DCDC1: variants seen among roughly 807,000 people sequenced by gnomAD.
DCDC1 encodes doublecortin domain-containing protein 1.
Under a neutral mutation model 178.3 loss-of-function variants are expected in DCDC1, and 200 were observed. The observed-to-expected ratio is 1.12, with a 90% confidence interval of 1.00 to 1.26. The LOEUF (loss-of-function observed/expected upper bound fraction) is 1.26, where lower values mean the gene tolerates loss of function less well. Among genes scored for constraint, DCDC1 ranks in the 50% most tolerant of loss-of-function variants. The probability of loss-of-function intolerance (pLI) is 0.00; values close to 1 mark genes in which losing one functional copy is unlikely to be tolerated. For synonymous variants in DCDC1, 690 were observed against 604.8 expected (o/e 1.14, Z -2.07); for missense variants, 1,983 against 1,749.2 (o/e 1.13, Z -2.38).
At chr11:31,041,543 TA>T (rs1424341916) in intron 20 of DCDC1, among the ~76,000 whole-genome samples, 2 of 152,194 alleles carry the variant, frequency 1.3e-5, no homozygotes, top group Middle Eastern at 3.2e-3. Context: ...AAAGATTAAG[TA>T]AATAGGCCAA....
intron 20 of DCDC1, among the ~76,000 whole-genome samples, chr11:31,034,662 G>T (rs1281711178): frequency 6.6e-6 from 1 of 152,196 alleles, no homozygotes; most frequent in Non-Finnish European, 1.5e-5. Flanking sequence ...TAGCCTAGGT[G>T]TGTAGTAGGC....
chr11:31,280,934 C>G, intron 7 of DCDC1: 1 of 638,268 alleles, frequency 1.6e-6, no homozygotes, highest in Non-Finnish European at 3.0e-6. Context: ...CACGGTGTGG[C>G]ACTGGGCACA....
At chr11:31,137,594 C>A (rs375751066) in intron 10 of DCDC1, 98 bp downstream of exon 10, 4 of 592,896 alleles carry the variant, frequency 6.7e-6, no homozygotes, top group Non-Finnish European at 1.2e-5. Flanking sequence ...GTGATCTTCC[C>A]GCCTCGGCCT....
chr11:31,300,783 C>T (rs1189959018), intron 6 of DCDC1, among the ~76,000 whole-genome samples: 1 of 152,042 alleles, frequency 6.6e-6, no homozygotes, highest in African/African-American at 2.4e-5. Flanking sequence ...GTTTCATTTT[C>T]GATTTTGTAA....
At chr11:31,331,607 C>T (rs144459601) in intron 2 of DCDC1, among the ~76,000 whole-genome samples, 3,997 of 152,170 alleles carry the variant, frequency 0.026, 62 homozygotes, top group Middle Eastern at 0.065. Context: ...TGAATTTTGT[C>T]GAAGGCCTTT....
intron 9 of DCDC1, among the ~76,000 whole-genome samples, chr11:31,220,314 T>G (rs1974107975): frequency 1.3e-5 from 2 of 152,196 alleles, no homozygotes; most frequent in Admixed American, 1.3e-4. Context: ...CATAATATAT[T>G]CTTGATGAAA....
chr11:31,169,306 C>A (rs763784772), intron 9 of DCDC1, among the ~76,000 whole-genome samples: 5 of 152,108 alleles, frequency 3.3e-5, no homozygotes, highest in Non-Finnish European at 7.4e-5. Context: ...CACATGTATA[C>A]CTATGTAACA....
chr11:31,012,616 A>AG (rs1302929890), intron 20 of DCDC1, among the ~76,000 whole-genome samples: 1 of 151,824 alleles, frequency 6.6e-6, no homozygotes, highest in African/African-American at 2.4e-5. Context: ...ACAAAAAAAA[A>AG]AAAAAGAAAA....
intron 20 of DCDC1, among the ~76,000 whole-genome samples, chr11:31,033,172 G>A (rs1953776764): frequency 6.6e-6 from 1 of 152,112 alleles, no homozygotes; most frequent in Non-Finnish European, 1.5e-5. Flanking sequence ...AATTGCCCAC[G>A]CTACAAAGCT....
At chr11:31,225,301 T>A (rs1328146393) in intron 9 of DCDC1, among the ~76,000 whole-genome samples, 1 of 149,102 alleles carries the variant, frequency 6.7e-6, no homozygotes, top group Non-Finnish European at 1.5e-5. Flanking sequence ...CATTCCCACT[T>A]ATAAGTGGGA....
chr11:30,902,060 A>G (rs1002253389), intron 32 of DCDC1, among the ~76,000 whole-genome samples: 4 of 152,162 alleles, frequency 2.6e-5, no homozygotes, highest in Non-Finnish European at 1.5e-5. Context: ...ATACACATAT[A>G]TATGTGTTCA....
At chr11:30,896,846 A>G (rs1465504096) in intron 34 of DCDC1, among the ~76,000 whole-genome samples, 1 of 152,244 alleles carries the variant, frequency 6.6e-6, no homozygotes, top group African/African-American at 2.4e-5. Context: ...GATTAATGTT[A>G]GCAATGTTCA....
chr11:31,189,837 A>G (rs1460366867), intron 9 of DCDC1, among the ~76,000 whole-genome samples: 1 of 152,182 alleles, frequency 6.6e-6, no homozygotes, highest in East Asian at 1.9e-4. Flanking sequence ...CAAGACCCTT[A>G]ACTTCATTGC....
At chr11:31,315,299 G>C (rs1398814307) in intron 3 of DCDC1, among the ~76,000 whole-genome samples, 3 of 122,856 alleles carry the variant, frequency 2.4e-5, no homozygotes, top group African/African-American at 9.0e-5. Context: ...GTTCCTATTT[G>C]CATACCCTTT....
rs972037014 is a variant in DCDC1, at chr11:31,290,843, A to C, written c.764T>G (p.Leu255Trp). Reference sequence around the variant, plus strand: ...TGTCCAAGTTACTTTCTTAATTAACAACAGATGGTCTAGAAGATAATTTTT... The same window carrying C: ...TGTCCAAGTTACTTTCTTAATTAACCACAGATGGTCTAGAAGATAATTTTT... ...NPFKKIKDHL[L>W]LIKKVTWTMN... The change falls in exon 7 of 39, where the codon TTG becomes TGG. Residue 255 changes from leucine to tryptophan, a missense_variant. Coordinates refer to ENST00000684477, the MANE Select transcript of DCDC1 (RefSeq NM_001387274.1). 6.2e-7 allele frequency: 1 copy of C among 1,610,926 alleles called. No individual in the cohort carries two copies. The highest frequency in any genetic ancestry group is 2.2e-5 in the East Asian group (1 of 44,820).
chr11:31,269,900 TG>T (rs1234223176), intron 7 of DCDC1, among the ~76,000 whole-genome samples: 1 of 152,216 alleles, frequency 6.6e-6, no homozygotes, highest in Non-Finnish European at 1.5e-5. Flanking sequence ...CCAGAACCTC[TG>T]GGTTGCCACT....
chr11:31,019,625 A>G (rs1952734967), intron 20 of DCDC1, among the ~76,000 whole-genome samples: 2 of 152,188 alleles, frequency 1.3e-5, no homozygotes, highest in South Asian at 4.1e-4. Flanking sequence ...CATAACTGGT[A>G]TGATCTTTTA....
At chr11:31,032,258 A>C (rs1279227256) in intron 20 of DCDC1, among the ~76,000 whole-genome samples, 5 of 152,218 alleles carry the variant, frequency 3.3e-5, no homozygotes, top group Admixed American at 6.5e-5. Flanking sequence ...CTCAGAAATC[A>C]AAAGGATATA....
At chr11:31,212,982 C>T (rs558355127) in intron 9 of DCDC1, among the ~76,000 whole-genome samples, 27 of 152,044 alleles carry the variant, frequency 1.8e-4, no homozygotes, top group African/African-American at 6.5e-4. Context: ...ATGCCTCTGC[C>T]CTCCTAGGAG....
Sources: allele counts gnomAD v4.1 joint callset (sites outside exome capture counted in the v4.1 genomes callset), GRCh38; gene constraint gnomAD v4.1.1; transcripts MANE v1.5; gene names NCBI Gene and HGNC (gene_info 2026-07-23, HGNC 2026-07-21).